PEPD: variants seen among roughly 807,000 people sequenced by gnomAD.
PEPD encodes peptidase D, also known as xaa-Pro dipeptidase.
A neutral mutation model predicts 60.7 loss-of-function variants in PEPD; 53 were observed. The observed-to-expected ratio is 0.87, with a 90% CI of 0.70 to 1.10. The LOEUF is 1.10. Ranked by LOEUF, PEPD falls within the 50% of genes least tolerant of loss-of-function variation. The pLI is 0.00. For missense variants in PEPD, 711 were observed against 711.9 expected (o/e 1.00, Z 0.01); for synonymous variants, 267 against 284.1 (o/e 0.94, Z 0.60).
chr19:33,498,769 C>A (rs1970656063), intron 4 of PEPD, among the ~76,000 whole-genome samples: 1 of 151,660 alleles, frequency 6.6e-6, no homozygotes, highest in South Asian at 2.1e-4. Flanking sequence ...CCACCAGGGT[C>A]CTCGAGACAG....
chr19:33,438,529 G>A (rs1969423062), intron 9 of PEPD, among the ~76,000 whole-genome samples: 1 of 152,262 alleles, frequency 6.6e-6, no homozygotes, highest in Admixed American at 6.5e-5. Flanking sequence ...AACGGTGAGT[G>A]TTTCCACTAC....
chr19:33,509,805 C>T (rs550112877), intron 3 of PEPD, among the ~76,000 whole-genome samples: 10 of 152,302 alleles, frequency 6.6e-5, no homozygotes, highest in Non-Finnish European at 1.2e-4. Context: ...GTACAGTGTC[C>T]GCCCTGGCAC....
intron 3 of PEPD, among the ~76,000 whole-genome samples, chr19:33,507,137 G>T (rs968844849): frequency 6.6e-6 from 1 of 152,110 alleles, no homozygotes; most frequent in Non-Finnish European, 1.5e-5. Flanking sequence ...TATGGCCCTG[G>T]GAAGGCTGAG....
intron 11 of PEPD, among the ~76,000 whole-genome samples, chr19:33,403,459 C>G (rs971851433): frequency 6.6e-6 from 1 of 152,188 alleles, no homozygotes; most frequent in Non-Finnish European, 1.5e-5. Context: ...GGGGCACAGC[C>G]GCGGCTTCCG....
At position 33,464,001 on chromosome 19, in the gene PEPD, C is replaced by T. The variant is rs1452259995; in HGVS notation, c.610G>A (p.Glu204Lys). 1.9e-6 allele frequency: 3 copies of T among 1,611,096 alleles called. No homozygotes were observed. Among genetic ancestry groups the T allele is most frequent in the East Asian group, 2.2e-5 (1 of 44,852 alleles). The change falls in exon 8 of 15, where the codon GAG becomes AAG. Residue 204 changes from glutamate to lysine, a missense_variant. Coordinates refer to ENST00000244137, the MANE Select transcript of PEPD (RefSeq NM_000285.4). ...GCCTGACTTACCTCACGGTGGGCCT[C>T]GCTGGAGATTTTATTGGTATAGCGC... is the stretch of plus-strand genomic sequence containing the variant. ...VLRYTNKISS[E>K]AHREVMKAVK...
Position 33,500,962 on chromosome 19 carries a change from C to T in PEPD, c.369G>A (p.Val123=). The change falls in exon 4 of 15, where the codon GTG becomes GTA. Residue 123 remains valine, a synonymous_variant. Transcript: ENST00000244137. ...SKEHFKEKYA[V]DDVQYVDEIA... ...CCTCATCTACGTACTGGACGTCGTC[C>T]ACGGCATACTTCTCCTTGAAGTGCT... is the stretch of plus-strand genomic sequence containing the variant. The T allele has an allele frequency of 6.2e-7, 1 of 1,605,594 alleles. No homozygotes were observed. The highest frequency in any genetic ancestry group is 8.5e-7 in the Non-Finnish European group (1 of 1,172,438).
At chr19:33,464,836 C>T (rs1305896741) in intron 7 of PEPD, among the ~76,000 whole-genome samples, 5 of 152,076 alleles carry the variant, frequency 3.3e-5, no homozygotes, top group Admixed American at 6.6e-5. Flanking sequence ...CAATCTCACC[C>T]GCGAGTAAGA....
chr19:33,396,854 A>T (rs1298872938), intron 12 of PEPD, among the ~76,000 whole-genome samples: 1 of 152,070 alleles, frequency 6.6e-6, no homozygotes, highest in Non-Finnish European at 1.5e-5. Flanking sequence ...AGCCCGCGGG[A>T]CAGGGACAGC....
At chr19:33,476,713 G>A (rs917020160) in intron 7 of PEPD, among the ~76,000 whole-genome samples, 3 of 152,014 alleles carry the variant, frequency 2.0e-5, no homozygotes, top group African/African-American at 7.2e-5. Context: ...GCCCAGGCTG[G>A]AGTACAGTGG....
At chr19:33,412,446 C>T (rs8108898) in intron 10 of PEPD, among the ~76,000 whole-genome samples, 1 of 152,142 alleles carries the variant, frequency 6.6e-6, no homozygotes, top group African/African-American at 2.4e-5. Context: ...GGGAGAGGGC[C>T]TCTATGGAAA....
chr19:33,463,266 C>T (rs755654420), intron 8 of PEPD, among the ~76,000 whole-genome samples: 2 of 152,168 alleles, frequency 1.3e-5, no homozygotes, highest in African/African-American at 2.4e-5. Context: ...ATTTGGAAGC[C>T]GATAAATGCC....
At chr19:33,406,735 T>G (rs1330688151) in intron 11 of PEPD, among the ~76,000 whole-genome samples, 4 of 151,896 alleles carry the variant, frequency 2.6e-5, no homozygotes. Flanking sequence ...ACAGCAGGAG[T>G]AGGCTGGCCG....
chr19:33,473,317 C>A (rs979803825), intron 7 of PEPD, among the ~76,000 whole-genome samples: 2 of 152,116 alleles, frequency 1.3e-5, no homozygotes, highest in African/African-American at 4.8e-5. Flanking sequence ...GAATTTAGGT[C>A]ATCATCTACG....
chr19:33,395,768 G>A (rs1050005918), intron 12 of PEPD, among the ~76,000 whole-genome samples: 3 of 152,238 alleles, frequency 2.0e-5, no homozygotes, highest in East Asian at 3.9e-4. Context: ...GACAAAGAGC[G>A]CACTTCATCT....
chr19:33,388,202 C>CAAGGCGAGT (rs1349189503), intron 13 of PEPD, 121 bp from the exon 14 acceptor site: 1 of 855,402 alleles, frequency 1.2e-6, no homozygotes, highest in Admixed American at 2.0e-5. Context: ...CCATTGGGGT[C>CAAGGCGAGT]CTCAGCCTAG....
intron 5 of PEPD, 33 bp downstream of exon 5, chr19:33,493,257 G>A (rs762343137): frequency 1.3e-6 from 2 of 1,543,082 alleles, no homozygotes; most frequent in African/African-American, 2.7e-5. Context: ...CCAGAGCCAA[G>A]CACTGCCCCA....
chr19:33,432,467 C>T (rs1050890974), intron 9 of PEPD, among the ~76,000 whole-genome samples: 5 of 152,204 alleles, frequency 3.3e-5, no homozygotes, highest in Admixed American at 3.3e-4. Context: ...AGGGGAACAC[C>T]GACAGCTCAG....
chr19:33,506,161 C>T (rs950187499), intron 3 of PEPD, among the ~76,000 whole-genome samples: 2 of 145,030 alleles, frequency 1.4e-5, no homozygotes, highest in African/African-American at 2.6e-5. Context: ...TTCACACCCA[C>T]CACACCCTAC....
rs372093904 is a variant in PEPD, at chr19:33,518,267, C to T, written c.17+3477G>A. 3.8e-3 allele frequency among the ~76,000 whole-genome samples: 571 copies of T among 152,254 alleles called. 3 individuals carry two copies. Among genetic ancestry groups the T allele is most frequent in the Middle Eastern group, 0.017 (5 of 294 alleles). ...AAGAGACAGCTGTGTGGAGTCAGGA[C>T]CTGGGGAAGAGCCAGGGAAGGCACA... On this transcript the variant is annotated intron_variant, in intron 1 of 14. Coordinates refer to ENST00000244137, the MANE Select transcript of PEPD (RefSeq NM_000285.4).
Sources: allele counts gnomAD v4.1 joint callset (sites outside exome capture counted in the v4.1 genomes callset), GRCh38; gene constraint gnomAD v4.1.1; transcripts MANE v1.5; gene names NCBI Gene and HGNC (gene_info 2026-07-23, HGNC 2026-07-21).